Variants in IQCM observed in about 807,000 individuals in gnomAD.
IQCM encodes IQ motif containing M.
IQCM carries 45 observed loss-of-function variants against 57.6 expected under a neutral mutation model. The ratio of observed to expected loss-of-function variants is 0.78; its 90% CI spans 0.62 to 1.00. IQCM has a LOEUF of 1.00. Ranked by LOEUF, IQCM falls within the 50% of genes least tolerant of loss-of-function variation. The pLI, the probability that IQCM is intolerant of heterozygous loss-of-function variation, is 0.00. For missense variants in IQCM, 468 were observed against 511.6 expected (o/e 0.91, Z 0.82); for synonymous variants, 148 against 158.9 (o/e 0.93, Z 0.51).
intron 13 of IQCM, among the ~76,000 whole-genome samples, chr4:149,397,424 G>T (rs1009855971): frequency 1.3e-4 from 20 of 151,946 alleles, no homozygotes; most frequent in African/African-American, 4.6e-4. Flanking sequence ...GAGGTGATTG[G>T]ATCATGGGGG....
rs557830358 is a variant in IQCM at position 149,476,296 on chromosome 4, T to C, written c.1229-42739A>G. 4.9e-4 allele frequency among the ~76,000 whole-genome samples: 74 copies of C among 152,322 alleles called. 1 individual carries two copies. The South Asian group carries it at 0.015, about 32-fold the overall frequency. On this transcript the variant is annotated intron_variant, in intron 12 of 13. Coordinates refer to ENST00000636793, the MANE Select transcript of IQCM (RefSeq NM_001363507.2). ...AAGATGCATCAGCCTACTTGTCTTC[T>C]GGCAGAAAACGAAATTCAAAATGAA...
chr4:149,493,170 C>T (rs925611458), intron 12 of IQCM, among the ~76,000 whole-genome samples: 5 of 151,998 alleles, frequency 3.3e-5, no homozygotes, highest in Non-Finnish European at 7.4e-5. Context: ...TTCTCAATAC[C>T]CTCATATTCA....
chr4:149,533,339 T>C lies in IQCM; in HGVS notation c.1228+15116A>G, dbSNP rs538457571. ...CTAGCGCCTGACTTAAGAAAACATA[T>C]AAGAGAACTGAATCTCCTTCATTTC... On this transcript the variant is annotated intron_variant, in intron 12 of 13. Coordinates refer to ENST00000636793, the MANE Select transcript of IQCM (RefSeq NM_001363507.2). 1.4e-4 allele frequency among the ~76,000 whole-genome samples: 22 copies of C among 152,100 alleles called. No individual in the cohort carries two copies. In the South Asian group the frequency reaches 3.5e-3, roughly 24 times the overall value.
At chr4:149,377,248 C>G (rs1730763721) in intron 13 of IQCM, among the ~76,000 whole-genome samples, 1 of 152,080 alleles carries the variant, frequency 6.6e-6, no homozygotes, top group Admixed American at 6.5e-5. Context: ...GATGCCAGAA[C>G]TGAAATACAA....
chr4:149,743,447 G>T (rs1314552219), intron 2 of IQCM, among the ~76,000 whole-genome samples: 3 of 151,816 alleles, frequency 2.0e-5, no homozygotes, highest in Non-Finnish European at 4.4e-5. Flanking sequence ...CAGAGTGATC[G>T]ATATATACTA....
chr4:149,409,494 G>A (rs1045873837), intron 13 of IQCM, among the ~76,000 whole-genome samples: 1 of 152,202 alleles, frequency 6.6e-6, no homozygotes, highest in African/African-American at 2.4e-5. Flanking sequence ...TTTTGTGAAC[G>A]CCCAACTGGC....
chr4:149,617,901 G>T (rs2150067161), intron 8 of IQCM, among the ~76,000 whole-genome samples: 1 of 152,160 alleles, frequency 6.6e-6, no homozygotes, highest in African/African-American at 2.4e-5. Flanking sequence ...TGAATTGGAA[G>T]GATAAAAATA....
intron 12 of IQCM, among the ~76,000 whole-genome samples, chr4:149,546,861 T>C (rs1398485455): frequency 5.9e-5 from 9 of 152,162 alleles, no homozygotes; most frequent in Non-Finnish European, 1.3e-4. Context: ...TTTGTTGCCA[T>C]TGCTTTTGGT....
At chr4:149,464,416 G>T (rs1738627311) in intron 12 of IQCM, among the ~76,000 whole-genome samples, 1 of 152,092 alleles carries the variant, frequency 6.6e-6, no homozygotes, top group African/African-American at 2.4e-5. Context: ...GTCCTGTCTA[G>T]GATTAGAAGC....
At chr4:149,806,207 T>A (rs1460673190) in intron 2 of IQCM, among the ~76,000 whole-genome samples, 1 of 151,886 alleles carries the variant, frequency 6.6e-6, no homozygotes, top group East Asian at 1.9e-4. Flanking sequence ...TATTATGTGT[T>A]TTCTTTCTTT....
At chr4:149,606,108 G>A (rs1016637758) in intron 8 of IQCM, among the ~76,000 whole-genome samples, 1 of 152,164 alleles carries the variant, frequency 6.6e-6, no homozygotes, top group South Asian at 2.1e-4. Flanking sequence ...GGCAGTATTT[G>A]CTGTGGGCCT....
At chr4:149,650,480 C>T (rs1759071047) in intron 7 of IQCM, among the ~76,000 whole-genome samples, 1 of 151,164 alleles carries the variant, frequency 6.6e-6, no homozygotes, top group Non-Finnish European at 1.5e-5. Flanking sequence ...GCAATCTCCA[C>T]CTCCCGGAAT....
chr4:149,452,099 A>G (rs1309880608), intron 12 of IQCM, among the ~76,000 whole-genome samples: 16 of 151,782 alleles, frequency 1.1e-4, no homozygotes, highest in Non-Finnish European at 4.4e-5. Flanking sequence ...TAAAAATTGC[A>G]TCATGATATA....
intron 12 of IQCM, among the ~76,000 whole-genome samples, chr4:149,499,519 C>T (rs985132753): frequency 6.6e-6 from 1 of 151,944 alleles, no homozygotes; most frequent in African/African-American, 2.4e-5. Flanking sequence ...AAAGACACAG[C>T]AATATTTAAA....
At chr4:149,750,648 T>C (rs1768347545) in intron 2 of IQCM, among the ~76,000 whole-genome samples, 1 of 152,244 alleles carries the variant, frequency 6.6e-6, no homozygotes. Flanking sequence ...ATTAAAACAG[T>C]GCTGTTATAA....
chr4:149,583,262 G>T (rs1188549904), intron 9 of IQCM, among the ~76,000 whole-genome samples: 1 of 151,346 alleles, frequency 6.6e-6, no homozygotes, highest in East Asian at 1.9e-4. Context: ...AAACTCAAAA[G>T]TTCCAAAACA....
chr4:149,512,644 T>C (rs1393922491), intron 12 of IQCM, among the ~76,000 whole-genome samples: 2 of 152,196 alleles, frequency 1.3e-5, no homozygotes, highest in Non-Finnish European at 2.9e-5. Flanking sequence ...TATTTGTGAC[T>C]TATGACCCAG....
intron 9 of IQCM, among the ~76,000 whole-genome samples, chr4:149,585,773 T>C (rs1008119668): frequency 4.6e-5 from 7 of 151,678 alleles, no homozygotes; most frequent in Non-Finnish European, 7.4e-5. Flanking sequence ...TGAGGTGAGA[T>C]TTAGATTCTA....
intron 13 of IQCM, among the ~76,000 whole-genome samples, chr4:149,367,905 CTTTG>C (rs1729954353): frequency 6.6e-6 from 1 of 151,962 alleles, no homozygotes; most frequent in Non-Finnish European, 1.5e-5. Flanking sequence ...TTTTGAGCAT[CTTTG>C]CATATATTTG....
Sources: allele counts gnomAD v4.1 joint callset (sites outside exome capture counted in the v4.1 genomes callset), GRCh38; gene constraint gnomAD v4.1.1; transcripts MANE v1.5; gene names NCBI Gene and HGNC (gene_info 2026-07-23, HGNC 2026-07-21).